NRG1: variants seen among roughly 807,000 people sequenced by gnomAD.
NRG1 encodes neuregulin 1, also known as pro-neuregulin-1, membrane-bound isoform.
Under a neutral mutation model 63.8 loss-of-function variants are expected in NRG1, and 18 were observed. That is an observed-to-expected ratio of 0.28 (90% confidence interval 0.19 to 0.42). The LOEUF is 0.42. NRG1 is among the 10% of genes least tolerant of loss of function. NRG1 has a pLI of 1.00. For missense variants in NRG1, 762 were observed against 814.7 expected (o/e 0.94, Z 0.79); for synonymous variants, 302 against 301.3 (o/e 1.00, Z -0.02).
At chr8:31,838,116 C>T (rs10093273) in intron 1 of NRG1, among the ~76,000 whole-genome samples, 90,109 of 151,890 alleles carry the variant, frequency 0.59, 27,126 homozygotes, top group East Asian at 0.88. Flanking sequence ...CTTTCCTTTA[C>T]ATCCTCGCCA....
At chr8:31,902,198 G>T (rs1832142130) in intron 1 of NRG1, among the ~76,000 whole-genome samples, 1 of 152,156 alleles carries the variant, frequency 6.6e-6, no homozygotes, top group African/African-American at 2.4e-5. Context: ...AGCAAAATAA[G>T]CTCTGTGGCA....
chr8:31,755,728 C>T (rs976956356), intron 1 of NRG1, among the ~76,000 whole-genome samples: 3 of 152,034 alleles, frequency 2.0e-5, no homozygotes, highest in Admixed American at 6.6e-5. Context: ...ACTGCAGCAG[C>T]GCGTATTTAC....
At chr8:32,221,785 G>GA (rs780917289) in intron 1 of NRG1, among the ~76,000 whole-genome samples, 25 of 126,892 alleles carry the variant, frequency 2.0e-4, no homozygotes, top group African/African-American at 4.8e-4. Flanking sequence ...GGCATTGTCA[G>GA]AAAAAAGTTG....
intron 1 of NRG1, among the ~76,000 whole-genome samples, chr8:32,413,848 G>A (rs1221905223): frequency 2.0e-5 from 3 of 151,734 alleles, no homozygotes; most frequent in Non-Finnish European, 4.4e-5. Flanking sequence ...GGACCTTAGA[G>A]CCATTCTCTG....
At chr8:31,677,690 G>A (rs1807869925) in intron 1 of NRG1, among the ~76,000 whole-genome samples, 1 of 152,148 alleles carries the variant, frequency 6.6e-6, no homozygotes, top group East Asian at 1.9e-4. Flanking sequence ...GCGGCAGCCA[G>A]TCCTTGGGCT....
chr8:32,249,571 A>G (rs1242064216), intron 1 of NRG1, among the ~76,000 whole-genome samples: 1 of 152,096 alleles, frequency 6.6e-6, no homozygotes, highest in Non-Finnish European at 1.5e-5. Context: ...CCTCTCAGAG[A>G]TCACCAAGTG....
intron 1 of NRG1, among the ~76,000 whole-genome samples, chr8:32,069,232 A>G (rs1162963949): frequency 1.3e-5 from 2 of 152,226 alleles, no homozygotes; most frequent in Non-Finnish European, 2.9e-5. Context: ...CCCTACAGCA[A>G]GACAAAGAGT....
intron 1 of NRG1, among the ~76,000 whole-genome samples, chr8:31,676,417 C>T (rs922067859): frequency 6.6e-6 from 1 of 152,256 alleles, no homozygotes; most frequent in Admixed American, 6.5e-5. Flanking sequence ...AAGATTTCCT[C>T]GTGTCAGGGA....
intron 1 of NRG1, among the ~76,000 whole-genome samples, chr8:32,567,904 T>C (rs577369802): frequency 6.6e-6 from 1 of 152,252 alleles, no homozygotes; most frequent in East Asian, 1.9e-4. Context: ...GGCAGAGAAG[T>C]AGATGTGATA....
intron 1 of NRG1, among the ~76,000 whole-genome samples, chr8:32,073,858 C>A (rs1826116611): frequency 6.6e-6 from 1 of 152,092 alleles, no homozygotes; most frequent in Admixed American, 6.5e-5. Flanking sequence ...TTATTTTTTT[C>A]ATGTCCTACC....
At chr8:32,691,642 T>C (rs1406910175) in intron 5 of NRG1, among the ~76,000 whole-genome samples, 1 of 152,256 alleles carries the variant, frequency 6.6e-6, no homozygotes, top group Admixed American at 6.5e-5. Flanking sequence ...AAAGTTCATG[T>C]ACTCTTGCTC....
At chr8:32,430,232 C>A (rs1225962797) in intron 1 of NRG1, among the ~76,000 whole-genome samples, 1 of 152,144 alleles carries the variant, frequency 6.6e-6, no homozygotes, top group Non-Finnish European at 1.5e-5. Flanking sequence ...GATGTCCTAC[C>A]CTTCAAGATG....
chr8:31,685,654 C>T lies in NRG1; in HGVS notation c.37+46223C>T, dbSNP rs116455743. On this transcript the variant is annotated intron_variant, in intron 1 of 10. Transcript: ENST00000519301. ...GAAACCCCATGTTCATTATCAGTTA[C>T]TCCCCATCCCCCATGTAGTTCCAAC... 7.6e-3 allele frequency among the ~76,000 whole-genome samples: 1,162 copies of T among 152,294 alleles called. 9 individuals are homozygous for T. Among genetic ancestry groups the T allele is most frequent in the African/African-American group, 0.026 (1,092 of 41,576 alleles).
At chr8:32,157,049 C>CGTGTGTGTGTGTGT (rs34725608) in intron 1 of NRG1, among the ~76,000 whole-genome samples, 9 of 140,918 alleles carry the variant, frequency 6.4e-5, no homozygotes, top group East Asian at 2.2e-4. Flanking sequence ...AATTAAAACT[C>CGTGTGTGTGTGTGT]GTGTGTGTGT....
chr8:32,217,358 G>A (rs6991279), intron 1 of NRG1, among the ~76,000 whole-genome samples: 17,927 of 152,030 alleles, frequency 0.12, 1,120 homozygotes, highest in South Asian at 0.14. Flanking sequence ...AAAGGCCATG[G>A]GAGTGATGAG....
In NRG1 at chr8:31,919,794, T is replaced by C. The variant is rs1405739321; in HGVS notation, c.37+280363T>C. Reference sequence around the variant, plus strand: ...TTATAATTTAGTAGAAGAAAGACAATAAGTCTGTGTGCCCATACATTTATT... The same window carrying C: ...TTATAATTTAGTAGAAGAAAGACAACAAGTCTGTGTGCCCATACATTTATT... On this transcript the variant is annotated intron_variant, in intron 1 of 10. Transcript: ENST00000519301. Among the ~76,000 whole-genome samples, 4 of 152,132 alleles carry C rather than the reference T, an allele frequency of 2.6e-5. No homozygotes were observed. The East Asian group carries it at 7.7e-4, about 29-fold the overall frequency.
At chr8:32,230,432 TC>T (rs1216282490) in intron 1 of NRG1, among the ~76,000 whole-genome samples, 1 of 152,084 alleles carries the variant, frequency 6.6e-6, no homozygotes, top group Non-Finnish European at 1.5e-5. Flanking sequence ...AGGCTACTGC[TC>T]CTAAAACCTA....
chr8:31,694,422 G>A (rs572620272), intron 1 of NRG1, among the ~76,000 whole-genome samples: 80 of 152,290 alleles, frequency 5.3e-4, no homozygotes, highest in African/African-American at 1.9e-3. Context: ...AAATGTAATA[G>A]CTGCTGAGTG....
chr8:32,140,699 G>A (rs1836134016), intron 1 of NRG1, among the ~76,000 whole-genome samples: 1 of 152,084 alleles, frequency 6.6e-6, no homozygotes, highest in Admixed American at 6.6e-5. Context: ...CTGGGCTCAA[G>A]TGATCTTCCC....
Sources: gnomAD v4.1 joint callset for allele counts (sites outside exome capture counted in the v4.1 genomes callset) on GRCh38, gnomAD v4.1.1 for gene constraint, MANE v1.5 for transcripts, NCBI Gene and HGNC (gene_info 2026-07-23, HGNC 2026-07-21) for gene names.